Variants in GRM8 observed in about 807,000 individuals in gnomAD.
GRM8 encodes the protein metabotropic glutamate receptor 8.
In GRM8, 47 loss-of-function variants were observed where a neutral mutation model predicts 87.2. The observed-to-expected ratio is 0.54, with a 90% CI of 0.43 to 0.69. The LOEUF is 0.69. Ranked by LOEUF, GRM8 falls within the 30% of genes least tolerant of loss-of-function variation. The pLI, the probability that GRM8 is intolerant of heterozygous loss-of-function variation, is 0.00. For missense variants in GRM8, 1,019 were observed against 1,139.2 expected (o/e 0.89, Z 1.52); for synonymous variants, 396 against 404.5 (o/e 0.98, Z 0.25).
intron 7 of GRM8, among the ~76,000 whole-genome samples, chr7:126,733,330 A>G (rs1366683494): frequency 6.6e-6 from 1 of 151,208 alleles, no homozygotes; most frequent in Non-Finnish European, 1.5e-5. Context: ...TTGTGAAAGT[A>G]TTTGTTTACT....
intron 3 of GRM8, among the ~76,000 whole-genome samples, chr7:126,950,798 C>A (rs1204566): frequency 0.77 from 116,324 of 151,964 alleles, 44,856 homozygotes; most frequent in East Asian, 0.97. Context: ...CCAAATTCAC[C>A]GTACTAGTAA....
intron 3 of GRM8, among the ~76,000 whole-genome samples, chr7:127,003,319 G>C (rs1034588172): frequency 1.3e-5 from 2 of 151,722 alleles, no homozygotes; most frequent in African/African-American, 4.8e-5. Flanking sequence ...ATCCTGTAAA[G>C]AATCTCCACA....
At chr7:127,166,655 T>C (rs759460008) in intron 2 of GRM8, among the ~76,000 whole-genome samples, 3 of 152,156 alleles carry the variant, frequency 2.0e-5, no homozygotes, top group Non-Finnish European at 4.4e-5. Flanking sequence ...AACAAATTAA[T>C]ATGAGAGAGA....
intron 8 of GRM8, among the ~76,000 whole-genome samples, chr7:126,576,897 G>C (rs1378271470): frequency 6.6e-6 from 1 of 152,078 alleles, no homozygotes; most frequent in Non-Finnish European, 1.5e-5. Flanking sequence ...ATCCTTTCTA[G>C]GTCAGTGAGG....
chr7:126,987,070 C>G (rs749108385), intron 3 of GRM8, among the ~76,000 whole-genome samples: 47 of 152,164 alleles, frequency 3.1e-4, no homozygotes, highest in Non-Finnish European at 5.9e-4. Flanking sequence ...GAGTCTGGCT[C>G]CAGAGTCTGA....
chr7:127,071,610 C>A (rs1313576318), intron 3 of GRM8, among the ~76,000 whole-genome samples: 1 of 152,118 alleles, frequency 6.6e-6, no homozygotes, highest in Non-Finnish European at 1.5e-5. Flanking sequence ...TGGAAATAAC[C>A]CTTCCTGGCA....
intron 2 of GRM8, among the ~76,000 whole-genome samples, chr7:127,188,578 G>A (rs888140414): frequency 6.6e-6 from 1 of 151,684 alleles, no homozygotes; most frequent in East Asian, 1.9e-4. Context: ...TTATTATTTT[G>A]TACATAAGAT....
chr7:127,182,963 T>C (rs896064930), intron 2 of GRM8, among the ~76,000 whole-genome samples: 6 of 151,872 alleles, frequency 4.0e-5, no homozygotes, highest in Admixed American at 3.9e-4. Context: ...GCTCGGGTGA[T>C]GGATGAACCA....
intron 6 of GRM8, among the ~76,000 whole-genome samples, chr7:126,858,894 C>T (rs2130794959): frequency 6.6e-6 from 1 of 152,226 alleles, no homozygotes; most frequent in South Asian, 2.1e-4. Context: ...TTGAACAGGA[C>T]ATACTTTTTC....
At chr7:126,839,883 A>G (rs1796117634) in intron 6 of GRM8, among the ~76,000 whole-genome samples, 1 of 152,206 alleles carries the variant, frequency 6.6e-6, no homozygotes, top group Admixed American at 6.5e-5. Flanking sequence ...CAACCACTCC[A>G]TATCCAGACA....
intron 9 of GRM8, among the ~76,000 whole-genome samples, chr7:126,468,038 A>C (rs1029620306): frequency 6.6e-6 from 1 of 152,058 alleles, no homozygotes; most frequent in Non-Finnish European, 1.5e-5. Flanking sequence ...ATCATCTCTA[A>C]TTGTCTCACT....
intron 3 of GRM8, among the ~76,000 whole-genome samples, chr7:127,061,137 T>A (rs1202458566): frequency 2.6e-5 from 4 of 152,218 alleles, no homozygotes; most frequent in Non-Finnish European, 5.9e-5. Context: ...AAGATTCACA[T>A]GAACTGAAGC....
At chr7:126,721,743 C>G (rs141447002) in intron 7 of GRM8, among the ~76,000 whole-genome samples, 2 of 152,004 alleles carry the variant, frequency 1.3e-5, no homozygotes, top group East Asian at 1.9e-4. Flanking sequence ...GATGACTTCC[C>G]TCTACCTGTA....
At chr7:127,030,807 T>C (rs1165626964) in intron 3 of GRM8, among the ~76,000 whole-genome samples, 1 of 152,148 alleles carries the variant, frequency 6.6e-6, no homozygotes, top group Non-Finnish European at 1.5e-5. Flanking sequence ...ACTACTTTTT[T>C]TCCTACATGA....
chr7:126,685,928 G>A lies in GRM8; in HGVS notation c.1358-76430C>T, dbSNP rs1808133825. 6.6e-6 allele frequency among the ~76,000 whole-genome samples: 1 copy of A among 151,820 alleles called. No individual in the cohort carries two copies. The highest frequency in any genetic ancestry group is 1.5e-5 in the Non-Finnish European group (1 of 67,942). ...GTGAACTCGTAGCGCTTTTCCCTGGGCCCTCGTGGGTGCCCATGGACTGAT... is the reference window on the plus strand; with the variant it reads ...GTGAACTCGTAGCGCTTTTCCCTGGACCCTCGTGGGTGCCCATGGACTGAT... On this transcript the variant is annotated intron_variant, in intron 7 of 10. Coordinates refer to ENST00000339582, the MANE Select transcript of GRM8 (RefSeq NM_000845.3). This position sits in a 1 kb window ranked among gnomAD's most constrained non-coding sequence, Gnocchi z 4.2.
At chr7:126,946,222 C>A (rs1049549825) in intron 3 of GRM8, among the ~76,000 whole-genome samples, 1 of 152,218 alleles carries the variant, frequency 6.6e-6, no homozygotes, top group African/African-American at 2.4e-5. Context: ...CTGGACTTGG[C>A]TAGGCATAGT....
chr7:126,684,977 C>T (rs964689832), intron 7 of GRM8, among the ~76,000 whole-genome samples: 3 of 152,184 alleles, frequency 2.0e-5, no homozygotes, highest in African/African-American at 7.2e-5. Flanking sequence ...ACACCTGCTA[C>T]AGCAAGGAGG....
intron 7 of GRM8, among the ~76,000 whole-genome samples, chr7:126,675,017 C>T (rs1418789668): frequency 3.9e-5 from 6 of 152,274 alleles, no homozygotes; most frequent in East Asian, 1.9e-4. Flanking sequence ...ATGAACTGAA[C>T]GTTCGTGTCC....
chr7:126,965,403 G>C lies in GRM8; in HGVS notation c.728-60720C>G, dbSNP rs185084464. Among the ~76,000 whole-genome samples the C allele has an allele frequency of 3.0e-3, 456 of 152,162 alleles. 4 individuals carry two copies. Among genetic ancestry groups the C allele is most frequent in the African/African-American group, 0.01 (434 of 41,530 alleles). On this transcript the variant is annotated intron_variant, in intron 3 of 10. Transcript: ENST00000339582. ...AAAGTATTTATTAAGCAATTATTTT[G>C]TTAAACACTGTCCCCTCCATTAAAA... is the stretch of plus-strand genomic sequence containing the variant.
Sources: allele counts gnomAD v4.1 joint callset (sites outside exome capture counted in the v4.1 genomes callset), GRCh38; gene constraint gnomAD v4.1.1; non-coding constraint Gnocchi (gnomAD v3.1); transcripts MANE v1.5; gene names NCBI Gene and HGNC (gene_info 2026-07-23, HGNC 2026-07-21).